Variants in RGS7 observed in about 807,000 individuals in gnomAD.
RGS7 encodes regulator of G-protein signaling 7.
Under a neutral mutation model 81.1 loss-of-function variants are expected in RGS7, and 27 were observed. The ratio of observed to expected loss-of-function variants is 0.33; its 90% CI spans 0.25 to 0.46. The LOEUF (loss-of-function observed/expected upper bound fraction) is 0.46, where lower values mean the gene tolerates loss of function less well. RGS7 is among the 20% of genes least tolerant of loss of function. The pLI, the probability that RGS7 is intolerant of heterozygous loss-of-function variation, is 1.00. For synonymous variants in RGS7, 208 were observed against 207.7 expected (o/e 1.00, Z -0.01); for missense variants, 396 against 607.4 (o/e 0.65, Z 3.66).
intron 9 of RGS7, among the ~76,000 whole-genome samples, chr1:240,841,245 A>C (rs1035307724): frequency 6.6e-6 from 1 of 152,228 alleles, no homozygotes; most frequent in African/African-American, 2.4e-5. Context: ...ACAAAGCCTC[A>C]GTTTTAGAGA....
intron 2 of RGS7, among the ~76,000 whole-genome samples, chr1:241,239,405 T>C (rs1317455): frequency 0.68 from 103,721 of 151,972 alleles, 35,520 homozygotes; most frequent in African/African-American, 0.73. Flanking sequence ...GCTCTCCACC[T>C]TACATGCAGA....
At chr1:241,240,334 G>A (rs1175435303) in intron 2 of RGS7, among the ~76,000 whole-genome samples, 2 of 152,164 alleles carry the variant, frequency 1.3e-5, no homozygotes, top group East Asian at 1.9e-4. Context: ...CCCTGCTGAC[G>A]GGAAGAAGCA....
At chr1:241,094,238 A>AACACAC (rs149481776) in intron 3 of RGS7, among the ~76,000 whole-genome samples, 4,633 of 136,416 alleles carry the variant, frequency 0.034, 260 homozygotes, top group African/African-American at 0.11. Context: ...GACATACATA[A>AACACAC]ACACACACAC....
intron 3 of RGS7, among the ~76,000 whole-genome samples, chr1:241,029,150 G>GA (rs1050296052): frequency 7.2e-6 from 1 of 139,452 alleles, no homozygotes; most frequent in African/African-American, 2.5e-5. Context: ...AACAAAAACA[G>GA]AAACTAGAGG....
intron 3 of RGS7, among the ~76,000 whole-genome samples, chr1:241,035,414 C>G (rs531329741): frequency 6.6e-6 from 1 of 151,836 alleles, no homozygotes; most frequent in Non-Finnish European, 1.5e-5. Flanking sequence ...TATAGGAATT[C>G]GGAGAAGGGA....
At chr1:240,915,911 T>C (rs904702346) in intron 6 of RGS7, among the ~76,000 whole-genome samples, 35 of 151,682 alleles carry the variant, frequency 2.3e-4, no homozygotes, top group Non-Finnish European at 1.6e-4. Flanking sequence ...TCAGTAGAGT[T>C]TGGACATGTG....
At chr1:240,784,508 T>A (rs1301553352) in intron 18 of RGS7, among the ~76,000 whole-genome samples, 3 of 149,298 alleles carry the variant, frequency 2.0e-5, no homozygotes, top group South Asian at 2.1e-4. Flanking sequence ...TAGCCGGGCG[T>A]GGTGGCGGGC....
intron 9 of RGS7, among the ~76,000 whole-genome samples, chr1:240,839,721 T>C (rs961929827): frequency 6.6e-6 from 1 of 152,166 alleles, no homozygotes; most frequent in African/African-American, 2.4e-5. Context: ...CACTCTCTTG[T>C]CTACACCCAG....
chr1:241,329,921 T>G (rs749517920), intron 2 of RGS7, among the ~76,000 whole-genome samples: 2 of 145,784 alleles, frequency 1.4e-5, no homozygotes, highest in South Asian at 2.2e-4. Context: ...TTTTTCTTTG[T>G]TTTTTTTTTG....
At chr1:240,796,145 A>T (rs1238493863) in intron 18 of RGS7, among the ~76,000 whole-genome samples, 3 of 152,194 alleles carry the variant, frequency 2.0e-5, no homozygotes, top group Non-Finnish European at 4.4e-5. Context: ...TTCAAACCTA[A>T]ATAGAAACAC....
chr1:241,173,685 G>A (rs1229888405), intron 2 of RGS7, among the ~76,000 whole-genome samples: 1 of 152,164 alleles, frequency 6.6e-6, no homozygotes, highest in African/African-American at 2.4e-5. Flanking sequence ...GGAAGCTGAG[G>A]CAAGAGGATC....
intron 3 of RGS7, among the ~76,000 whole-genome samples, chr1:241,074,961 T>C (rs1164513628): frequency 1.3e-5 from 2 of 152,208 alleles, no homozygotes; most frequent in Admixed American, 6.6e-5. Context: ...GTAGCTATTT[T>C]TGAATTATTT....
chr1:241,020,007 T>C (rs2059460728), intron 3 of RGS7, among the ~76,000 whole-genome samples: 1 of 152,222 alleles, frequency 6.6e-6, no homozygotes, highest in Non-Finnish European at 1.5e-5. Flanking sequence ...ACTTCTAAGT[T>C]CTTTGCATAT....
chr1:241,045,686 G>A (rs960003145), intron 3 of RGS7, among the ~76,000 whole-genome samples: 1 of 152,112 alleles, frequency 6.6e-6, no homozygotes, highest in Middle Eastern at 3.2e-3. Context: ...ACTGAACAGT[G>A]AACGCTATTC....
At chr1:240,805,375 AAAAAT>A (rs71784510) in intron 15 of RGS7, among the ~76,000 whole-genome samples, 91,906 of 150,406 alleles carry the variant, frequency 0.61, 28,975 homozygotes, top group Non-Finnish European at 0.7. Flanking sequence ...ACTTGTTTCC[AAAAAT>A]AAAATAAAAT....
At chr1:241,062,594 ACT>A (rs2061797951) in intron 3 of RGS7, among the ~76,000 whole-genome samples, 7 of 151,996 alleles carry the variant, frequency 4.6e-5, no homozygotes, top group Admixed American at 6.6e-5. Flanking sequence ...TTTTCCCCAG[ACT>A]CTGCAGTTAC....
chr1:241,121,336 A>G (rs889843378), intron 2 of RGS7, among the ~76,000 whole-genome samples: 3 of 152,214 alleles, frequency 2.0e-5, no homozygotes, highest in African/African-American at 7.2e-5. Context: ...GAGAATTTCA[A>G]GGGCTAAGGT....
chr1:241,314,943 G>C, intron 2 of RGS7, among the ~76,000 whole-genome samples: 1 of 152,096 alleles, frequency 6.6e-6, no homozygotes, highest in Non-Finnish European at 1.5e-5. Context: ...AGTAGCAGTA[G>C]AAATGGTTTA....
At chr1:241,291,570 C>CTTTTTT (rs397947911) in intron 2 of RGS7, among the ~76,000 whole-genome samples, 51,375 of 92,498 alleles carry the variant, frequency 0.56, 13,948 homozygotes, top group East Asian at 0.68. Flanking sequence ...GAATTCCCAG[C>CTTTTTT]TTTTTTTTTT....
Sources: gnomAD v4.1 joint callset for allele counts (sites outside exome capture counted in the v4.1 genomes callset) on GRCh38, gnomAD v4.1.1 for gene constraint, MANE v1.5 for transcripts, NCBI Gene and HGNC (gene_info 2026-07-23, HGNC 2026-07-21) for gene names.